The following SOX9 variants were observed in gnomAD, a reference collection of about 807,000 sequenced individuals.
SOX9 encodes SRY-box transcription factor 9.
A neutral mutation model predicts 44.8 loss-of-function variants in SOX9; 2 were observed. The observed-to-expected ratio is 0.04, with a 90% CI of 0.02 to 0.14. The LOEUF is 0.14. Ranked by LOEUF, SOX9 falls within the 10% of genes least tolerant of loss-of-function variation. The pLI, the probability that SOX9 is intolerant of heterozygous loss-of-function variation, is 1.00. For synonymous variants in SOX9, 381 were observed against 331.8 expected, an observed-to-expected ratio of 1.15 and a Z score of -1.61; for missense variants, 583 against 728.6, an observed-to-expected ratio of 0.80 and a Z score of 2.30.
In SOX9 at chr17:72,121,475, G is replaced by A. The variant is rs1908088301; in HGVS notation, c.84G>A (p.Glu28=). The A allele has an allele frequency of 1.9e-6, 3 of 1,612,342 alleles. No individual in the cohort carries two copies. Among genetic ancestry groups the A allele is most frequent in the East Asian group, 2.2e-5 (1 of 44,852 alleles). Residue 28 remains glutamate, a synonymous_variant, in exon 1 of 3, where the codon GAG becomes GAA. Coordinates refer to ENST00000245479, the MANE Select transcript of SOX9 (RefSeq NM_000346.4). The surrounding 1 kb of genome is among the most constrained non-coding windows in gnomAD (Gnocchi z 8.3). ...LSGAPSPTMS[E]DSAGSPCPSG... ...GCGCCCCCAGCCCCACCATGTCCGA[G>A]GACTCCGCGGGCTCGCCCTGCCCGT...
intron 1 of SOX9, among the ~76,000 whole-genome samples, chr17:72,122,502 A>C (rs1908130171): frequency 1.3e-5 from 2 of 149,322 alleles, no homozygotes; most frequent in South Asian, 2.3e-4. Context: ...GGGGGCGGGG[A>C]GTGACCGCTC....
In SOX9 at chr17:72,121,465, C is replaced by T. The variant is rs2143236788; in HGVS notation, c.74C>T (p.Thr25Ile). The T allele has an allele frequency of 2.5e-6, 4 of 1,612,914 alleles. No homozygotes were observed. The highest frequency in any genetic ancestry group is 3.4e-6 in the Non-Finnish European group (4 of 1,179,822). ...GGCCTGTCCGGCGCCCCCAGCCCCA[C>T]CATGTCCGAGGACTCCGCGGGCTCG... ...EKGLSGAPSP[T>I]MSEDSAGSPC... The change falls in exon 1 of 3, where the codon ACC (threonine) becomes ATC (isoleucine). Residue 25 changes from threonine (T) to isoleucine (I), a missense_variant. Physicochemically the swap from Thr to Ile is moderately conservative, Grantham distance 89. Transcript: ENST00000245479. This position sits in a 1 kb window ranked among gnomAD's most constrained non-coding sequence, Gnocchi z 8.3.
chr17:72,121,020 G>GGAGAGCCGAAAGCGGAGCTC lies in SOX9; in HGVS notation c.-369_-350dup, dbSNP rs1319973606. 1.9e-6 allele frequency: 1 copy of GGAGAGCCGAAAGCGGAGCTC among 521,262 alleles called. No individual in the cohort carries two copies. The highest frequency in any genetic ancestry group is 3.3e-6 in the Non-Finnish European group (1 of 300,790). 32.3% of individuals were successfully genotyped at this position (521,262 alleles called of 1,614,324 possible). ...TTAAAGAGACCCTGGGCTGGGAGTTGGAGAGCCGAAAGCGGAGCTCGAAAC... is the reference window on the plus strand; with the variant it reads ...TTAAAGAGACCCTGGGCTGGGAGTTGGAGAGCCGAAAGCGGAGCTCGAGAGCCGAAAGCGGAGCTCGAAAC... On this transcript the variant is annotated 5_prime_UTR_variant, in exon 1 of 3. Transcript: ENST00000245479. This position sits in a 1 kb window ranked among gnomAD's most constrained non-coding sequence, Gnocchi z 8.3.
At position 72,123,141 on chromosome 17, in the gene SOX9, A is replaced by G. The variant is rs1279645000; in HGVS notation, c.685+169A>G. Among the ~76,000 whole-genome samples, 1 of 152,176 alleles carries G rather than the reference A, an allele frequency of 6.6e-6. No individual in the cohort carries two copies. Among genetic ancestry groups the G allele is most frequent in the Non-Finnish European group, 1.5e-5 (1 of 68,018 alleles). On this transcript the variant is annotated intron_variant, in intron 2 of 2. Coordinates refer to ENST00000245479, the MANE Select transcript of SOX9 (RefSeq NM_000346.4). The surrounding 1 kb of genome is among the most constrained non-coding windows in gnomAD (Gnocchi z 6.5). Reference sequence around the variant, plus strand: ...TCTACCCAGAGCCTAAGAGGCATCCAAACAACACACACACAAACACACACA... The same window carrying G: ...TCTACCCAGAGCCTAAGAGGCATCCGAACAACACACACACAAACACACACA...
rs758477223 is a variant in SOX9, at chr17:72,123,507, T to C, written c.686-36T>C. 5.6e-6 allele frequency: 9 copies of C among 1,613,818 alleles called. No individual in the cohort carries two copies. The highest frequency in any genetic ancestry group is 6.8e-6 in the Non-Finnish European group (8 of 1,179,966). On this transcript the variant is annotated intron_variant, in intron 2 of 2. Coordinates refer to ENST00000245479, the MANE Select transcript of SOX9 (RefSeq NM_000346.4). This position sits in a 1 kb window ranked among gnomAD's most constrained non-coding sequence, Gnocchi z 6.5. The stretch of plus-strand genomic sequence containing the variant: ...GACTAGGGCGTCTGCACAGCCCTTG[T>C]TGATTTTCTCGTGCTTGTTCTTTTA...
rs944114485 is a variant in SOX9 at position 72,121,970 on chromosome 17, T to C, written c.431+148T>C. 7.0e-6 allele frequency: 7 copies of C among 1,007,036 alleles called. No individual in the cohort carries two copies. Among genetic ancestry groups the C allele is most frequent in the African/African-American group, 4.9e-5 (3 of 60,916 alleles). The allele number at this position is 1,007,036 out of a possible 1,614,324, so 62.4% of individuals were successfully genotyped here. A position where few individuals can be genotyped will look rare whatever the true frequency, so the allele number is the denominator to read the frequency against. On this transcript the variant is annotated intron_variant, in intron 1 of 2. Coordinates refer to ENST00000245479, the MANE Select transcript of SOX9 (RefSeq NM_000346.4). The surrounding 1 kb of genome is among the most constrained non-coding windows in gnomAD (Gnocchi z 8.3). ...GATGGGGTTGGGAGTGGGAATGGGG[T>C]GTAACTGTGGCTCAGAGTTTGACAA...
chr17:72,121,318 C>T lies in SOX9; in HGVS notation c.-74C>T. Reference sequence around the variant, plus strand: ...TCCGGGCAGCCGAGGGGAGAGGAGCCCGCGCCTCGAGTCCCCGAGCCGCCG... The same window carrying T: ...TCCGGGCAGCCGAGGGGAGAGGAGCTCGCGCCTCGAGTCCCCGAGCCGCCG... On this transcript the variant is annotated 5_prime_UTR_variant, in exon 1 of 3. Transcript: ENST00000245479. This position sits in a 1 kb window ranked among gnomAD's most constrained non-coding sequence, Gnocchi z 8.3. 2 of 1,382,812 alleles carry T rather than the reference C, an allele frequency of 1.4e-6. No individual in the cohort carries two copies. The highest frequency in any genetic ancestry group is 2.0e-6 in the Non-Finnish European group (2 of 980,588). 85.7% of individuals were successfully genotyped at this position (1,382,812 alleles called of 1,614,324 possible). A position where few individuals can be genotyped will look rare whatever the true frequency, so the allele number is the denominator to read the frequency against.
chr17:72,123,762 G>T lies in SOX9; in HGVS notation c.905G>T (p.Gly302Val), dbSNP rs1319504499. 6.2e-7 allele frequency: 1 copy of T among 1,613,446 alleles called. No homozygotes were observed. The highest frequency in any genetic ancestry group is 1.7e-5 in the Admixed American group (1 of 60,020). The change falls in exon 3 of 3, where the codon GGC (glycine) becomes GTC (valine). Residue 302 changes from glycine to valine, a missense_variant. By Grantham distance (109) the Gly-to-Val change is moderately radical. This residue lies in a region of SOX9 where 349 missense variants were observed against 387.0 expected (regional missense o/e 0.90). Coordinates refer to ENST00000245479, the MANE Select transcript of SOX9 (RefSeq NM_000346.4). This position sits in a 1 kb window ranked among gnomAD's most constrained non-coding sequence, Gnocchi z 6.5. ...NEFDQYLPPN[G>V]HPGVPATHGQ... ...TTTGACCAGTACCTGCCGCCCAACG[G>T]CCACCCGGGGGTGCCGGCCACGCAC...
rs1189288046 is a variant in SOX9, at chr17:72,124,467, C to T, written c.*80C>T. On this transcript the variant is annotated 3_prime_UTR_variant, in exon 3 of 3. Transcript: ENST00000245479. This position sits in a 1 kb window ranked among gnomAD's most constrained non-coding sequence, Gnocchi z 4.6. ...GAAAGAGAGGACCAACCAGAATTCC[C>T]TTTGGACATTTGTGTTTTTTTGTTT... The T allele has an allele frequency of 5.4e-6, 8 of 1,495,022 alleles. No homozygotes were observed. The highest frequency in any genetic ancestry group is 1.1e-5 in the South Asian group (1 of 89,162). 92.6% of individuals were successfully genotyped at this position (1,495,022 alleles called of 1,614,324 possible). A position where few individuals can be genotyped will look rare whatever the true frequency, so the allele number is the denominator to read the frequency against.
rs200724816 is a variant in SOX9 at position 72,122,984 on chromosome 17, C to T, written c.685+12C>T. 7.4e-6 allele frequency: 12 copies of T among 1,611,434 alleles called. No homozygotes were observed. The African/African-American group carries it at 1.3e-4, about 18-fold the overall frequency. ...CGGCGAGCACTCGGGTGAGTCGCCCCTCGACCCCACCGGACAAGCTATCTC... is the reference window on the plus strand; with the variant it reads ...CGGCGAGCACTCGGGTGAGTCGCCCTTCGACCCCACCGGACAAGCTATCTC... On this transcript the variant is annotated intron_variant, in intron 2 of 2. Coordinates refer to ENST00000245479, the MANE Select transcript of SOX9 (RefSeq NM_000346.4).
At position 72,123,644 on chromosome 17, in the gene SOX9, G is replaced by T. The variant is rs752926968; in HGVS notation, c.787G>T (p.Gly263Cys). The T allele has an allele frequency of 6.2e-7, 1 of 1,614,104 alleles. No individual in the cohort carries two copies. The highest frequency in any genetic ancestry group is 8.5e-7 in the Non-Finnish European group (1 of 1,180,008). Residue 263 changes from glycine (G) to cysteine (C), a missense_variant, in exon 3 of 3, where the codon GGC (glycine) becomes TGC (cysteine). Gly to Cys is a radical substitution (Grantham distance 159, BLOSUM62 -3). This residue lies in a region of SOX9 where 349 missense variants were observed against 387.0 expected (regional missense o/e 0.90). Coordinates refer to ENST00000245479, the MANE Select transcript of SOX9 (RefSeq NM_000346.4). The surrounding 1 kb of genome is among the most constrained non-coding windows in gnomAD (Gnocchi z 6.5). ...AGAGGGGCGCCCCTTGCCAGAGGGG[G>T]GCAGACAGCCCCCTATCGACTTCCG... is the stretch of plus-strand genomic sequence containing the variant. ...KREGRPLPEG[G>C]RQPPIDFRDV...
chr17:72,121,378 C>A lies in SOX9; in HGVS notation c.-14C>A. 6.2e-7 allele frequency: 1 copy of A among 1,611,242 alleles called. No individual in the cohort carries two copies. Among genetic ancestry groups the A allele is most frequent in the African/African-American group, 1.3e-5 (1 of 75,024 alleles). On this transcript the variant is annotated 5_prime_UTR_variant, in exon 1 of 3. Transcript: ENST00000245479. The surrounding 1 kb of genome is among the most constrained non-coding windows in gnomAD (Gnocchi z 8.3). The stretch of plus-strand genomic sequence containing the variant: ...GCCTTTCCCGGCCACCAGCCCCCTG[C>A]CCCGGGCCCGCGTATGAATCTCCTG...
In SOX9 at chr17:72,125,171, CTA is replaced by C. The variant is rs1908244512; in HGVS notation, c.*785_*786del. On this transcript the variant is annotated 3_prime_UTR_variant, in exon 3 of 3. Transcript: ENST00000245479. ...TGCAATTATGGGAGTAAACAATAGT[CTA>C]GAGAAGCATTTGGTAAGCTTTATCA... 1 of 227,112 alleles carries C rather than the reference CTA, an allele frequency of 4.4e-6. No individual in the cohort carries two copies. Among genetic ancestry groups the C allele is most frequent in the Admixed American group, 5.7e-5 (1 of 17,510 alleles). The allele number at this position is 227,112 out of a possible 1,614,324, so 14.1% of individuals were successfully genotyped here. A position where few individuals can be genotyped will look rare whatever the true frequency, so the allele number is the denominator to read the frequency against.
At chr17:72,122,675 C>CCT (rs1212545436) in intron 1 of SOX9, 44 bp from the exon 2 acceptor site, 1 of 1,596,650 alleles carries the variant, frequency 6.3e-7, no homozygotes, top group Non-Finnish European at 8.5e-7. Context: ...TTCACTGACC[C>CCT]CTCTCCCTCT....
rs781186706 is a variant in SOX9 at position 72,124,033 on chromosome 17, C to T, written c.1176C>T (p.Ser392=). The T allele has an allele frequency of 1.2e-6, 2 of 1,610,118 alleles. No homozygotes were observed. Among genetic ancestry groups the T allele is most frequent in the Non-Finnish European group, 1.7e-6 (2 of 1,177,972 alleles). The change falls in exon 3 of 3, where the codon TCC becomes TCT. Residue 392 remains serine, a synonymous_variant. Coordinates refer to ENST00000245479, the MANE Select transcript of SOX9 (RefSeq NM_000346.4). This position sits in a 1 kb window ranked among gnomAD's most constrained non-coding sequence, Gnocchi z 4.6. ...LTTLSSEPGQ[S]QRTHIKTEQL... ...CGCTGAGCAGCGAGCCGGGCCAGTCCCAGCGAACGCACATCAAGACGGAGC... is the reference window on the plus strand; with the variant it reads ...CGCTGAGCAGCGAGCCGGGCCAGTCTCAGCGAACGCACATCAAGACGGAGC...
chr17:72,122,833 G>A lies in SOX9; in HGVS notation c.546G>A (p.Val182=), dbSNP rs1908145447. Residue 182 remains valine, a synonymous_variant, in exon 2 of 3, where the codon GTG becomes GTA. Coordinates refer to ENST00000245479, the MANE Select transcript of SOX9 (RefSeq NM_000346.4). ...YKYQPRRRKS[V]KNGQAEAEEA... ...ACCAGCCGCGGCGGAGGAAGTCGGTGAAGAACGGGCAGGCGGAGGCAGAGG... is the reference window on the plus strand; with the variant it reads ...ACCAGCCGCGGCGGAGGAAGTCGGTAAAGAACGGGCAGGCGGAGGCAGAGG... 6.2e-7 allele frequency: 1 copy of A among 1,614,208 alleles called. No individual in the cohort carries two copies. Among genetic ancestry groups the A allele is most frequent in the East Asian group, 2.2e-5 (1 of 44,878 alleles).
chr17:72,124,487 T>G lies in SOX9; in HGVS notation c.*100T>G. ...ATTCCCTTTGGACATTTGTGTTTTT[T>G]TGTTTTTTTATTTTGTTTTGTTTTT... On this transcript the variant is annotated 3_prime_UTR_variant, in exon 3 of 3. Coordinates refer to ENST00000245479, the MANE Select transcript of SOX9 (RefSeq NM_000346.4). This position sits in a 1 kb window ranked among gnomAD's most constrained non-coding sequence, Gnocchi z 4.6. 1 of 1,452,152 alleles carries G rather than the reference T, an allele frequency of 6.9e-7. No individual in the cohort carries two copies. 90.0% of individuals were successfully genotyped at this position (1,452,152 alleles called of 1,614,324 possible).
rs2143252032 is a variant in SOX9, at chr17:72,123,749, C to T, written c.892C>T (p.Leu298=). The part of the protein sequence containing the change: ...TFDVNEFDQY[L]PPNGHPGVPA... ...CGATGTCAACGAGTTTGACCAGTAC[C>T]TGCCGCCCAACGGCCACCCGGGGGT... The change falls in exon 3 of 3, where the codon CTG becomes TTG. Residue 298 remains leucine, a synonymous_variant. Transcript: ENST00000245479. The surrounding 1 kb of genome is among the most constrained non-coding windows in gnomAD (Gnocchi z 6.5). 6.2e-7 allele frequency: 1 copy of T among 1,613,716 alleles called. No individual in the cohort carries two copies. Among genetic ancestry groups the T allele is most frequent in the South Asian group, 1.1e-5 (1 of 91,084 alleles).
chr17:72,124,106 C>A lies in SOX9; in HGVS notation c.1249C>A (p.Gln417Lys), dbSNP rs886043831. 2 of 1,613,816 alleles carry A rather than the reference C, an allele frequency of 1.2e-6. No individual in the cohort carries two copies. Among genetic ancestry groups the A allele is most frequent in the East Asian group, 4.5e-5 (2 of 44,880 alleles). ...CGAGCAGCAGCAGCACTCGCCCCAA[C>A]AGATCGCCTACAGCCCCTTCAACCT... ...YSEQQQHSPQQIAYSPFNLPH... is the reference protein window; with the variant it reads ...YSEQQQHSPQKIAYSPFNLPH... Residue 417 changes from glutamine (Q) to lysine (K), a missense_variant, in exon 3 of 3, where the codon CAG becomes AAG. By Grantham distance (53) the Gln-to-Lys change is moderately conservative (BLOSUM62 1). Around this residue, in one of 7 missense-constraint regions of SOX9, gnomAD observed 349 missense variants for 387.0 expected, o/e 0.90. Coordinates refer to ENST00000245479, the MANE Select transcript of SOX9 (RefSeq NM_000346.4). The surrounding 1 kb of genome is among the most constrained non-coding windows in gnomAD (Gnocchi z 4.6).
Sources: allele counts gnomAD v4.1 joint callset (sites outside exome capture counted in the v4.1 genomes callset), GRCh38; gene constraint gnomAD v4.1.1; regional missense constraint gnomAD v4.1.1; non-coding constraint Gnocchi (gnomAD v3.1); transcripts MANE v1.5; gene names NCBI Gene and HGNC (gene_info 2026-07-23, HGNC 2026-07-21).